The following CDH12 variants were observed in gnomAD, a reference collection of about 807,000 sequenced individuals.
The protein encoded by CDH12 is cadherin 12.
CDH12 carries 41 observed loss-of-function variants against 74.1 expected under a neutral mutation model. That is an observed-to-expected ratio of 0.55 (90% confidence interval 0.43 to 0.72). The LOEUF is 0.72. Ranked by LOEUF, CDH12 falls within the 30% of genes least tolerant of loss-of-function variation. The pLI is 0.00. For synonymous variants in CDH12, 399 were observed against 355.0 expected (o/e 1.12, Z -1.39); for missense variants, 945 against 977.2 (o/e 0.97, Z 0.44).
At chr5:21,983,519 C>T (rs1379164781) in intron 5 of CDH12, among the ~76,000 whole-genome samples, 3 of 152,154 alleles carry the variant, frequency 2.0e-5, no homozygotes, top group East Asian at 3.9e-4. Context: ...TTGAACATTG[C>T]CTCCAGGTGC....
chr5:22,002,022 A>G (rs1736636005), intron 5 of CDH12, among the ~76,000 whole-genome samples: 1 of 151,914 alleles, frequency 6.6e-6, no homozygotes, highest in African/African-American at 2.4e-5. Context: ...CTAGGTCAGT[A>G]TTTTTCTTCA....
intron 3 of CDH12, among the ~76,000 whole-genome samples, chr5:22,241,359 C>T (rs1016500676): frequency 3.3e-5 from 5 of 151,962 alleles, no homozygotes; most frequent in Non-Finnish European, 5.9e-5. Flanking sequence ...GTTAAACTTC[C>T]GTCAATATTG....
rs1198088133 is a variant in CDH12, at chr5:22,244,731, GAAAGAAAGA to G, written c.-332-32097_-332-32089del. Among the ~76,000 whole-genome samples the G allele has an allele frequency of 9.0e-4, 105 of 116,202 alleles. 1 individual carries two copies. The highest frequency in any genetic ancestry group is 1.2e-3 in the East Asian group (5 of 4,006). The allele number at this position is 116,202 out of a possible 152,430, so 76.2% of individuals were successfully genotyped here. A position where few individuals can be genotyped will look rare whatever the true frequency, so the allele number is the denominator to read the frequency against. ...AGAGAAAGAGAGAGAGAAAGAAAAAGAAAGAAAGAAAAGAAAGAAAGAAAGAAAGAAAGA... is the reference window on the plus strand; with the variant it reads ...AGAGAAAGAGAGAGAGAAAGAAAAAGAAAGAAAGAAAGAAAGAAAGAAAGA... On this transcript the variant is annotated intron_variant, in intron 3 of 14. Coordinates refer to ENST00000382254, the MANE Select transcript of CDH12 (RefSeq NM_004061.5).
chr5:22,214,342 G>C (rs1467333870), intron 3 of CDH12, among the ~76,000 whole-genome samples: 1 of 152,116 alleles, frequency 6.6e-6, no homozygotes, highest in Non-Finnish European at 1.5e-5. Flanking sequence ...TCAGGAGAGG[G>C]AGAACAATTT....
In CDH12 at chr5:22,238,887, C is replaced by A. The variant is rs545507085; in HGVS notation, c.-332-26244G>T. ...GGCTTAAGTATCAAATAATGTCCAA[C>A]CTTTTAGACTTTAAAGAAGATTCTG... On this transcript the variant is annotated intron_variant, in intron 3 of 14. Coordinates refer to ENST00000382254, the MANE Select transcript of CDH12 (RefSeq NM_004061.5). 1.2e-4 allele frequency among the ~76,000 whole-genome samples: 19 copies of A among 152,212 alleles called. No homozygotes were observed. In the South Asian group the frequency reaches 3.7e-3, roughly 30 times the overall value.
In CDH12 at chr5:22,634,712, GAAT is replaced by G. The variant is rs1468072207; in HGVS notation, c.-522-129351_-522-129349del. Reference sequence around the variant, plus strand: ...CAAAAATCAATTGAATACTAGCAATGAATAATCTGAAAATGTAATTAAGAACAT... The same window carrying G: ...CAAAAATCAATTGAATACTAGCAATGAATCTGAAAATGTAATTAAGAACAT... On this transcript the variant is annotated intron_variant, in intron 1 of 14. Coordinates refer to ENST00000382254, the MANE Select transcript of CDH12 (RefSeq NM_004061.5). Among the ~76,000 whole-genome samples, 38 of 152,086 alleles carry G rather than the reference GAAT, an allele frequency of 2.5e-4. No homozygotes were observed. The East Asian group carries it at 7.4e-3, about 29-fold the overall frequency.
intron 5 of CDH12, among the ~76,000 whole-genome samples, chr5:22,006,353 C>T (rs555044014): frequency 1.2e-3 from 184 of 151,906 alleles, no homozygotes; most frequent in Middle Eastern, 6.8e-3. Flanking sequence ...AATGCTTTCT[C>T]GGGTAATTTC....
chr5:22,179,612 G>T (rs763939226), intron 4 of CDH12, among the ~76,000 whole-genome samples: 3 of 152,022 alleles, frequency 2.0e-5, no homozygotes, highest in Non-Finnish European at 4.4e-5. Context: ...TTTAGCTGAT[G>T]GTACATAGCT....
intron 6 of CDH12, among the ~76,000 whole-genome samples, chr5:21,950,968 T>C (rs1027165904): frequency 6.6e-6 from 1 of 151,096 alleles, no homozygotes; most frequent in Non-Finnish European, 1.5e-5. Flanking sequence ...TTTGTGTTTT[T>C]AGTAGAGACG....
intron 4 of CDH12, among the ~76,000 whole-genome samples, chr5:22,106,301 G>T (rs1014447805): frequency 6.6e-6 from 1 of 152,058 alleles, no homozygotes; most frequent in African/African-American, 2.4e-5. Context: ...AGATTTCTCT[G>T]TGTTTTGTCT....
At chr5:21,774,892 T>A (rs1029369340) in intron 11 of CDH12, among the ~76,000 whole-genome samples, 14 of 152,212 alleles carry the variant, frequency 9.2e-5, no homozygotes, top group African/African-American at 3.4e-4. Flanking sequence ...CTGATTCCAC[T>A]CTTTTGTTTA....
chr5:22,700,322 G>T (rs1742649458), intron 1 of CDH12, among the ~76,000 whole-genome samples: 1 of 152,052 alleles, frequency 6.6e-6, no homozygotes, highest in African/African-American at 2.4e-5. Context: ...AATGTTGCAG[G>T]TTGCCCACTG....
intron 4 of CDH12, among the ~76,000 whole-genome samples, chr5:22,176,817 T>C (rs1749359209): frequency 6.6e-6 from 1 of 152,060 alleles, no homozygotes; most frequent in South Asian, 2.1e-4. Context: ...GTTGGGGCAC[T>C]TTCTACCTCT....
At chr5:21,932,924 A>G (rs1235156315) in intron 6 of CDH12, among the ~76,000 whole-genome samples, 1 of 150,592 alleles carries the variant, frequency 6.6e-6, no homozygotes, top group Non-Finnish European at 1.5e-5. Flanking sequence ...TTCTAATTCC[A>G]AAGTAAAATA....
Position 22,444,988 on chromosome 5 carries a change from C to A in CDH12, c.-427-39637G>T, listed in dbSNP as rs1246028105. On this transcript the variant is annotated intron_variant, in intron 2 of 14. Coordinates refer to ENST00000382254, the MANE Select transcript of CDH12 (RefSeq NM_004061.5). Reference sequence around the variant, plus strand: ...TTATATTTTCTAAAATAATAAAATACCATTTTTAAGGCAGTTGAATTTCAA... The same window carrying A: ...TTATATTTTCTAAAATAATAAAATAACATTTTTAAGGCAGTTGAATTTCAA... Among the ~76,000 whole-genome samples the A allele has an allele frequency of 2.0e-5, 3 of 151,932 alleles. No individual in the cohort carries two copies. In the East Asian group the frequency reaches 5.8e-4, roughly 29 times the overall value.
chr5:22,447,615 T>C (rs1744866392), intron 2 of CDH12, among the ~76,000 whole-genome samples: 1 of 152,068 alleles, frequency 6.6e-6, no homozygotes, highest in Admixed American at 6.6e-5. Context: ...AGATATGCAA[T>C]TGATCTTAAA....
intron 1 of CDH12, among the ~76,000 whole-genome samples, chr5:22,693,705 G>T (rs1420859044): frequency 6.6e-6 from 1 of 151,698 alleles, no homozygotes; most frequent in African/African-American, 2.4e-5. Flanking sequence ...TTATTTAATA[G>T]GATATCATAT....
intron 3 of CDH12, among the ~76,000 whole-genome samples, chr5:22,221,782 C>CA (rs1752024268): frequency 1.3e-5 from 2 of 151,816 alleles, no homozygotes; most frequent in South Asian, 4.2e-4. Flanking sequence ...ATTGATATGT[C>CA]ACTCATTTGA....
intron 6 of CDH12, among the ~76,000 whole-genome samples, chr5:21,875,338 C>T (rs1251899664): frequency 6.6e-6 from 1 of 152,134 alleles, no homozygotes; most frequent in Non-Finnish European, 1.5e-5. Flanking sequence ...CTTATTTATG[C>T]ATTAATTCAT....
Sources: allele counts gnomAD v4.1 joint callset (sites outside exome capture counted in the v4.1 genomes callset), GRCh38; gene constraint gnomAD v4.1.1; transcripts MANE v1.5; gene names NCBI Gene and HGNC (gene_info 2026-07-23, HGNC 2026-07-21).